ATAD1: variants seen among roughly 807,000 people sequenced by gnomAD.
ATAD1 encodes outer mitochondrial transmembrane helix translocase.
Under a neutral mutation model 42.7 loss-of-function variants are expected in ATAD1, and 18 were observed. That is an observed-to-expected ratio of 0.42 (90% confidence interval 0.29 to 0.63). ATAD1 has a LOEUF of 0.63. Among genes scored for constraint, ATAD1 ranks in the 20% least tolerant of loss-of-function variants. The pLI is 0.19. For synonymous variants in ATAD1, 132 were observed against 143.1 expected (o/e 0.92, Z 0.55); for missense variants, 294 against 440.4 (o/e 0.67, Z 2.98).
chr10:87,761,567 CG>C (rs1854486043), intron 8 of ATAD1, among the ~76,000 whole-genome samples: 1 of 151,678 alleles, frequency 6.6e-6, no homozygotes, highest in South Asian at 2.1e-4. Context: ...GGGGCTGAGG[CG>C]GGGGGATCAC....
intron 2 of ATAD1, among the ~76,000 whole-genome samples, chr10:87,801,299 A>G (rs11202563): frequency 0.31 from 47,737 of 152,020 alleles, 7,841 homozygotes; most frequent in African/African-American, 0.36. Context: ...TTGATATTTG[A>G]CAAACTTTCC....
At chr10:87,800,456 C>T (rs1856636489) in intron 2 of ATAD1, among the ~76,000 whole-genome samples, 1 of 151,948 alleles carries the variant, frequency 6.6e-6, no homozygotes, top group Non-Finnish European at 1.5e-5. Flanking sequence ...TCATGAATAT[C>T]CAAAGGAAAT....
chr10:87,767,090 T>C (rs1854788213), intron 8 of ATAD1, among the ~76,000 whole-genome samples: 1 of 152,158 alleles, frequency 6.6e-6, no homozygotes, highest in African/African-American at 2.4e-5. Context: ...GTATCTTACA[T>C]AAAATCAGAC....
intron 1 of ATAD1, among the ~76,000 whole-genome samples, chr10:87,836,190 A>G (rs1857926368): frequency 1.3e-5 from 2 of 152,128 alleles, no homozygotes; most frequent in Non-Finnish European, 2.9e-5. Context: ...CAGTGGCACA[A>G]TCATAGCCCA....
intron 2 of ATAD1, among the ~76,000 whole-genome samples, chr10:87,798,287 T>A (rs11202559): frequency 6.6e-6 from 1 of 152,178 alleles, no homozygotes; most frequent in Non-Finnish European, 1.5e-5. Flanking sequence ...TAAGAAAAAG[T>A]GGGAAACGTT....
At chr10:87,789,340 C>T (rs777249545) in intron 4 of ATAD1, among the ~76,000 whole-genome samples, 9 of 152,112 alleles carry the variant, frequency 5.9e-5, no homozygotes, top group South Asian at 2.1e-4. Context: ...TGGATCTGAA[C>T]GCCATAGTAA....
chr10:87,765,334 A>T (rs975972827), intron 8 of ATAD1, among the ~76,000 whole-genome samples: 2 of 152,114 alleles, frequency 1.3e-5, no homozygotes, highest in Non-Finnish European at 2.9e-5. Flanking sequence ...CAAGTTTGGG[A>T]TAAAGAGGAA....
intron 9 of ATAD1, 148 bp downstream of exon 9, chr10:87,756,641 G>T: frequency 1.5e-6 from 1 of 683,574 alleles, no homozygotes; most frequent in Non-Finnish European, 2.1e-6. Flanking sequence ...TGGAAAAATG[G>T]CAATAAATAA....
chr10:87,808,961 G>A (rs1376934079), intron 2 of ATAD1, among the ~76,000 whole-genome samples: 1 of 152,082 alleles, frequency 6.6e-6, no homozygotes, highest in Admixed American at 6.5e-5. Flanking sequence ...GCATAAATTG[G>A]TTATTATTAA....
intron 5 of ATAD1, among the ~76,000 whole-genome samples, chr10:87,780,642 G>GA (rs1018655479): frequency 1.9e-4 from 29 of 151,876 alleles, no homozygotes; most frequent in Admixed American, 1.4e-3. Context: ...AAGAAACAAA[G>GA]AAAAAAAATC....
chr10:87,779,257 C>G (rs1036743278), intron 5 of ATAD1, among the ~76,000 whole-genome samples: 1 of 152,150 alleles, frequency 6.6e-6, no homozygotes, highest in Middle Eastern at 3.2e-3. Context: ...GAGGTCGTGC[C>G]ACTGCACTCC....
At chr10:87,808,479 G>C (rs1031992127) in intron 2 of ATAD1, among the ~76,000 whole-genome samples, 8 of 152,180 alleles carry the variant, frequency 5.3e-5, no homozygotes, top group African/African-American at 1.7e-4. Context: ...GAAGCCGGGA[G>C]GCAGAGGTTG....
chr10:87,830,784 T>C (rs956400851), intron 1 of ATAD1, among the ~76,000 whole-genome samples: 3 of 152,204 alleles, frequency 2.0e-5, no homozygotes, highest in South Asian at 4.1e-4. Context: ...ACTTCCCTCA[T>C]AGAAGTAACA....
At chr10:87,798,623 GGGGT>G (rs1554881726) in intron 2 of ATAD1, among the ~76,000 whole-genome samples, 1 of 77,236 alleles carries the variant, frequency 1.3e-5, no homozygotes, top group East Asian at 3.2e-4. Flanking sequence ...AAAGCTATAG[GGGGT>G]GTGTGTGTGT....
intron 2 of ATAD1, among the ~76,000 whole-genome samples, chr10:87,804,280 T>C (rs1293813786): frequency 1.3e-5 from 2 of 152,368 alleles, no homozygotes; most frequent in South Asian, 2.1e-4. Context: ...ATTAATGTCA[T>C]AGTAAGTCAC....
intron 8 of ATAD1, among the ~76,000 whole-genome samples, chr10:87,763,791 C>T (rs959838520): frequency 6.6e-6 from 1 of 151,772 alleles, no homozygotes. Context: ...ATAAATAAAT[C>T]ATTAGGACAC....
At chr10:87,815,498 CTATGGGATATATAAGAAAAAGAGAATATA>C (rs1857374996) in intron 1 of ATAD1, among the ~76,000 whole-genome samples, 1 of 151,856 alleles carries the variant, frequency 6.6e-6, no homozygotes, top group African/African-American at 2.4e-5. Flanking sequence ...GTGCTGAATG[CTATGGGATATATAAGAAAAAGAGAATATA>C]TATTTGTACT....
At chr10:87,798,625 G>GGTGTGT (rs71022506) in intron 2 of ATAD1, among the ~76,000 whole-genome samples, 2,451 of 124,918 alleles carry the variant, frequency 0.02, 109 homozygotes, top group African/African-American at 0.06. Flanking sequence ...AGCTATAGGG[G>GGTGTGT]GTGTGTGTGT....
At chr10:87,808,096 A>G (rs1371571365) in intron 2 of ATAD1, among the ~76,000 whole-genome samples, 2 of 152,096 alleles carry the variant, frequency 1.3e-5, no homozygotes, top group African/African-American at 4.8e-5. Flanking sequence ...GAAACAGCTG[A>G]TTTTCGTATA....
Sources: gnomAD v4.1 joint callset for allele counts (sites outside exome capture counted in the v4.1 genomes callset) on GRCh38, gnomAD v4.1.1 for gene constraint, MANE v1.5 for transcripts, NCBI Gene and HGNC (gene_info 2026-07-23, HGNC 2026-07-21) for gene names.